The following SPTBN2 variants were observed in gnomAD, a reference collection of about 807,000 sequenced individuals.
The protein encoded by SPTBN2 is spectrin beta, non-erythrocytic 2.
Under a neutral mutation model 284.2 loss-of-function variants are expected in SPTBN2, and 107 were observed. The observed-to-expected ratio is 0.38, with a 90% confidence interval of 0.32 to 0.44. The LOEUF (loss-of-function observed/expected upper bound fraction) is 0.44, where lower values mean the gene tolerates loss of function less well. Ranked by LOEUF, SPTBN2 falls within the 20% of genes least tolerant of loss-of-function variation. The probability of loss-of-function intolerance (pLI) is 1.00; values close to 1 mark genes in which losing one functional copy is unlikely to be tolerated. For synonymous variants in SPTBN2, 1,289 were observed against 1,354.8 expected (o/e 0.95, Z 1.07); for missense variants, 2,569 against 3,287.1 (o/e 0.78, Z 5.34).
Position 66,687,585 on chromosome 11 carries a change from G to A in SPTBN2, c.6564C>T (p.Gly2188=). 1 of 1,610,660 alleles carries A rather than the reference G, an allele frequency of 6.2e-7. No individual in the cohort carries two copies. Among genetic ancestry groups the A allele is most frequent in the Non-Finnish European group, 8.5e-7 (1 of 1,179,404 alleles). ...PRGERQTRTR[G]PAPSAMPQSR... ...TCTGGGGCATTGCAGATGGGGCCGG[G>A]CCCCGAGTCCGGGTCTGCCTCTCTC... The change falls in exon 35 of 38, where the codon GGC becomes GGT. Residue 2188 remains glycine (G), a synonymous_variant. Coordinates refer to ENST00000533211, the MANE Select transcript of SPTBN2 (RefSeq NM_006946.4). This position sits in a 1 kb window ranked among gnomAD's most constrained non-coding sequence, Gnocchi z 5.2.
rs1248539800 is a variant in SPTBN2, at chr11:66,693,403, T to C, written c.4637A>G (p.Asp1546Gly). 2 of 1,600,454 alleles carry C rather than the reference T, an allele frequency of 1.2e-6. No individual in the cohort carries two copies. Among genetic ancestry groups the C allele is most frequent in the Non-Finnish European group, 1.7e-6 (2 of 1,179,876 alleles). Residue 1546 changes from aspartate to glycine, a missense_variant, in exon 24 of 38, where the codon GAC (aspartate) becomes GGC (glycine). By Grantham distance (94) the Asp-to-Gly change is moderately conservative. Around this residue, in one of 6 missense-constraint regions of SPTBN2, gnomAD observed 1,130 missense variants for 1,317.3 expected, o/e 0.86. Transcript: ENST00000533211. The surrounding 1 kb of genome is among the most constrained non-coding windows in gnomAD (Gnocchi z 5.7). ...TAGAGCACGCTGCCGCTCCCTCAGG[T>C]CCGCGATCCGGGGCTCATGGCCCTG... The part of the protein sequence containing the change: ...EIQGHEPRIA[D>G]LRERQRALGA...
intron 1 of SPTBN2, among the ~76,000 whole-genome samples, chr11:66,724,423 GAA>G (rs1012374960): frequency 6.9e-6 from 1 of 144,146 alleles, no homozygotes; most frequent in African/African-American, 2.5e-5. Flanking sequence ...ATTTGTCTCA[GAA>G]AAAAAAAAAG....
intron 37 of SPTBN2, 37 bp downstream of exon 37, chr11:66,686,361 A>C (rs2135289787): frequency 6.2e-7 from 1 of 1,613,716 alleles, no homozygotes; most frequent in Admixed American, 1.7e-5. Flanking sequence ...AGCTTCTGGA[A>C]TGGCACGGAC....
intron 1 of SPTBN2, among the ~76,000 whole-genome samples, chr11:66,723,731 T>TATATAAAA (rs1361803685): frequency 1.3e-5 from 2 of 152,168 alleles, no homozygotes; most frequent in African/African-American, 2.4e-5. Context: ...TCTCTGGATT[T>TATATAAAA]GTTCTGTAAA....
chr11:66,740,543 A>T (rs1942888961), intron 1 of SPTBN2, among the ~76,000 whole-genome samples: 1 of 152,140 alleles, frequency 6.6e-6, no homozygotes, highest in South Asian at 2.1e-4. Flanking sequence ...AGGCCTCAAG[A>T]AGGTGAAGGG....
upstream of SPTBN2, among the ~76,000 whole-genome samples, chr11:66,732,487 A>C (rs546284827): frequency 6.6e-6 from 1 of 152,150 alleles, no homozygotes; most frequent in South Asian, 2.1e-4. Flanking sequence ...TTTTCTACTA[A>C]AAATACAAAA....
At position 66,715,168 on chromosome 11, in the gene SPTBN2, G is replaced by A. The variant is rs191069707; in HGVS notation, c.483+54C>T. On this transcript the variant is annotated intron_variant, in intron 5 of 37. Coordinates refer to ENST00000533211, the MANE Select transcript of SPTBN2 (RefSeq NM_006946.4). This position sits in a 1 kb window ranked among gnomAD's most constrained non-coding sequence, Gnocchi z 5.3. Reference sequence around the variant, plus strand: ...TGTCATGGGCCAGCAGGAACGGCTTGCGGTGCAGAGCCAGGGCAGGAACCA... The same window carrying A: ...TGTCATGGGCCAGCAGGAACGGCTTACGGTGCAGAGCCAGGGCAGGAACCA... 4.6e-5 allele frequency: 73 copies of A among 1,598,830 alleles called. No individual in the cohort carries two copies. The African/African-American group carries it at 9.1e-4, about 20-fold the overall frequency.
chr11:66,723,411 G>A (rs1252650847), intron 1 of SPTBN2, among the ~76,000 whole-genome samples: 1 of 152,076 alleles, frequency 6.6e-6, no homozygotes, highest in Non-Finnish European at 1.5e-5. Flanking sequence ...AGAAGTGCTG[G>A]GTGGTGAGAC....
intron 1 of SPTBN2, among the ~76,000 whole-genome samples, chr11:66,724,314 T>C (rs1942536149): frequency 6.6e-6 from 1 of 152,076 alleles, no homozygotes; most frequent in Non-Finnish European, 1.5e-5. Flanking sequence ...TTCCAGCTAC[T>C]CGGGAGGCTG....
chr11:66,719,072 T>C (rs1222242457), intron 3 of SPTBN2, among the ~76,000 whole-genome samples: 3 of 152,274 alleles, frequency 2.0e-5, no homozygotes, highest in African/African-American at 7.2e-5. Flanking sequence ...GACCCCTCTC[T>C]GGGTGACTCT....
upstream of SPTBN2, among the ~76,000 whole-genome samples, chr11:66,730,612 T>C (rs1012622266): frequency 1.3e-5 from 2 of 151,066 alleles, no homozygotes; most frequent in East Asian, 1.9e-4. Context: ...GAGAATCAGC[T>C]GCCCTGCCAA....
chr11:66,689,674 G>A (rs1180675470), intron 29 of SPTBN2, 131 bp downstream of exon 29: 13 of 1,407,762 alleles, frequency 9.2e-6, no homozygotes, highest in Admixed American at 5.1e-5. Context: ...CGAGAAACCC[G>A]TGAATGGCAC....
intron 1 of SPTBN2, among the ~76,000 whole-genome samples, chr11:66,734,278 C>T (rs891804485): frequency 1.3e-5 from 2 of 152,098 alleles, no homozygotes; most frequent in African/African-American, 4.8e-5. Flanking sequence ...ATCTTATCTA[C>T]TGTGCGGCTA....
chr11:66,705,863 T>C lies in SPTBN2; in HGVS notation c.1654-26A>G, dbSNP rs1333209914. 3 of 1,610,798 alleles carry C rather than the reference T, an allele frequency of 1.9e-6. No homozygotes were observed. The African/African-American group carries it at 4.0e-5, about 22-fold the overall frequency. ...CTGCCAGGCACACATGAAGTGCACA[T>C]GCCCGCCTGAGCACAGACGCGCTAA... is the stretch of plus-strand genomic sequence containing the variant. On this transcript the variant is annotated intron_variant, in intron 13 of 37. Transcript: ENST00000533211.
At position 66,704,812 on chromosome 11, in the gene SPTBN2, C is replaced by T. The variant is rs771402351; in HGVS notation, c.2464G>A (p.Glu822Lys). The change falls in exon 15 of 38, where the codon GAG becomes AAG. Residue 822 changes from glutamate (E) to lysine (K), a missense_variant. Physicochemically the swap from Glu to Lys is moderately conservative, Grantham distance 56. Coordinates refer to ENST00000533211, the MANE Select transcript of SPTBN2 (RefSeq NM_006946.4). ...ALPPTLSRTP[E>K]VQSRVPTLER... is the part of the protein sequence containing the mutation. ...AGGGTGGGCACCCGGCTCTGCACCT[C>T]GGGCGTGCGGCTCAGTGTGGGGGGC... is the stretch of plus-strand genomic sequence containing the variant. 100 of 1,605,816 alleles carry T rather than the reference C, an allele frequency of 6.2e-5. No homozygotes were observed. The highest frequency in any genetic ancestry group is 8.1e-5 in the Non-Finnish European group (95 of 1,179,024).
Position 66,704,749 on chromosome 11 carries a change from C to T in SPTBN2, c.2527G>A (p.Glu843Lys), listed in dbSNP as rs377045177. The change falls in exon 15 of 38, where the codon GAG becomes AAG. Residue 843 changes from glutamate to lysine, a missense_variant. Glu to Lys is a moderately conservative substitution (Grantham distance 56). This residue lies in a region of SPTBN2 where 1,012 missense variants were observed against 1,248.9 expected (regional missense o/e 0.81). Coordinates refer to ENST00000533211, the MANE Select transcript of SPTBN2 (RefSeq NM_006946.4). Reference sequence around the variant, plus strand: ...GCTGCCTCCAAGGCCCGCGCTCGCTCGCCTGCCCGGGCCTGCAGCTCCTCG... The same window carrying T: ...GCTGCCTCCAAGGCCCGCGCTCGCTTGCCTGCCCGGGCCTGCAGCTCCTCG... Reference protein sequence around the residue: ...HYEELQARAGERARALEAALA... With the variant: ...HYEELQARAGKRARALEAALA... 3 of 1,603,676 alleles carry T rather than the reference C, an allele frequency of 1.9e-6. No individual in the cohort carries two copies. The highest frequency in any genetic ancestry group is 2.7e-5 in the African/African-American group (2 of 74,730).
chr11:66,695,533 T>C (rs975618056), intron 21 of SPTBN2, among the ~76,000 whole-genome samples: 3 of 152,128 alleles, frequency 2.0e-5, no homozygotes, highest in Non-Finnish European at 2.9e-5. Flanking sequence ...GTGTTGGGAT[T>C]ACATGTGTGA....
chr11:66,710,548 G>A lies in SPTBN2; in HGVS notation c.1073+34C>T. The A allele has an allele frequency of 2.5e-6, 4 of 1,607,296 alleles. No individual in the cohort carries two copies. The South Asian group carries it at 4.4e-5, about 18-fold the overall frequency. On this transcript the variant is annotated intron_variant, in intron 10 of 37. Transcript: ENST00000533211. This position sits in a 1 kb window ranked among gnomAD's most constrained non-coding sequence, Gnocchi z 4.9. ...TTAGGCTTCCTCTCGTGGGAGCACAGCTCAGGGAAGGGTGGGGCCCCAGGG... is the reference window on the plus strand; with the variant it reads ...TTAGGCTTCCTCTCGTGGGAGCACAACTCAGGGAAGGGTGGGGCCCCAGGG...
At chr11:66,714,287 C>T (rs948515473) in intron 6 of SPTBN2, 29 bp downstream of exon 6, 1 of 1,611,800 alleles carries the variant, frequency 6.2e-7, no homozygotes, top group African/African-American at 1.3e-5. Flanking sequence ...CACTGACCCT[C>T]CAGTGCCACA....
Sources: gnomAD v4.1 joint callset for allele counts (sites outside exome capture counted in the v4.1 genomes callset) on GRCh38, gnomAD v4.1.1 for gene constraint, gnomAD v4.1.1 regional missense constraint, Gnocchi (gnomAD v3.1) non-coding constraint, MANE v1.5 for transcripts, NCBI Gene and HGNC (gene_info 2026-07-23, HGNC 2026-07-21) for gene names.